FGF7: variants seen among roughly 807,000 people sequenced by gnomAD.
The protein encoded by FGF7 is fibroblast growth factor 7.
In FGF7, 6 loss-of-function variants were observed where a neutral mutation model predicts 20.5. The observed-to-expected ratio is 0.29, with a 90% CI of 0.16 to 0.58. FGF7 has a LOEUF of 0.58. Among genes scored for constraint, FGF7 ranks in the 20% least tolerant of loss-of-function variants. The pLI is 0.90. For missense variants in FGF7, 144 were observed against 228.8 expected (o/e 0.63, Z 2.39); for synonymous variants, 64 against 74.7 (o/e 0.86, Z 0.74).
At chr15:49,427,050 A>G (rs2050192361) in intron 2 of FGF7, among the ~76,000 whole-genome samples, 1 of 152,008 alleles carries the variant, frequency 6.6e-6, no homozygotes, top group Non-Finnish European at 1.5e-5. Context: ...GGGAAATGCT[A>G]CAATGAAGAA....
chr15:49,480,786 C>A (rs2055876835), intron 2 of FGF7, among the ~76,000 whole-genome samples: 1 of 151,958 alleles, frequency 6.6e-6, no homozygotes, highest in African/African-American at 2.4e-5. Context: ...TCCAGCCATC[C>A]CCTTTGTAAA....
chr15:49,452,415 C>G (rs1165601870), intron 2 of FGF7, among the ~76,000 whole-genome samples: 1 of 151,956 alleles, frequency 6.6e-6, no homozygotes. Context: ...TAAAATGAAC[C>G]CTTGTTAACA....
chr15:49,453,415 T>A (rs935912870), intron 2 of FGF7, among the ~76,000 whole-genome samples: 1 of 152,158 alleles, frequency 6.6e-6, no homozygotes, highest in African/African-American at 2.4e-5. Context: ...AGTATAAAAA[T>A]ATTAATGAGA....
chr15:49,464,505 TA>T (rs2054089318), intron 2 of FGF7, among the ~76,000 whole-genome samples: 1 of 152,164 alleles, frequency 6.6e-6, no homozygotes, highest in African/African-American at 2.4e-5. Flanking sequence ...CTAATGATGA[TA>T]AAATGCTGGA....
intron 2 of FGF7, among the ~76,000 whole-genome samples, chr15:49,481,746 T>C (rs1422547677): frequency 6.6e-6 from 1 of 152,228 alleles, no homozygotes; most frequent in Non-Finnish European, 1.5e-5. Context: ...TTAATAAATA[T>C]ATAAAAGATT....
chr15:49,469,648 C>T (rs546573325), intron 2 of FGF7, among the ~76,000 whole-genome samples: 2 of 152,024 alleles, frequency 1.3e-5, no homozygotes, highest in African/African-American at 4.8e-5. Context: ...CTTGATTTTA[C>T]TATAAGGCAG....
chr15:49,444,374 C>T (rs1444423911), intron 2 of FGF7, among the ~76,000 whole-genome samples: 3 of 151,502 alleles, frequency 2.0e-5, no homozygotes, highest in African/African-American at 7.3e-5. Flanking sequence ...TTGGTTTAAA[C>T]AGTAACAGAT....
intron 2 of FGF7, among the ~76,000 whole-genome samples, chr15:49,436,916 A>C (rs2051157093): frequency 6.6e-6 from 1 of 151,608 alleles, no homozygotes; most frequent in Non-Finnish European, 1.5e-5. Flanking sequence ...AATACTTGGC[A>C]TTATCTTCAG....
At chr15:49,425,831 G>C (rs2050079912) in intron 2 of FGF7, among the ~76,000 whole-genome samples, 1 of 151,486 alleles carries the variant, frequency 6.6e-6, no homozygotes, top group South Asian at 2.1e-4. Context: ...TTATTACTGA[G>C]ATTAATAAAG....
chr15:49,472,912 C>A, intron 2 of FGF7, among the ~76,000 whole-genome samples: 1 of 86,358 alleles, frequency 1.2e-5, no homozygotes, highest in South Asian at 3.2e-4. Flanking sequence ...TTTTTGGGTA[C>A]CATACATTTT....
chr15:49,481,972 A>C (rs1304895430), intron 2 of FGF7, among the ~76,000 whole-genome samples: 1 of 152,144 alleles, frequency 6.6e-6, no homozygotes, highest in Non-Finnish European at 1.5e-5. Flanking sequence ...GGTAGCAAAA[A>C]TGAAGTAAAA....
At chr15:49,441,332 G>A (rs563113553) in intron 2 of FGF7, among the ~76,000 whole-genome samples, 11 of 151,812 alleles carry the variant, frequency 7.2e-5, no homozygotes, top group African/African-American at 2.2e-4. Flanking sequence ...GGGATACAAT[G>A]ATTAGAAAGC....
At chr15:49,479,587 G>A (rs1415297889) in intron 2 of FGF7, among the ~76,000 whole-genome samples, 1 of 127,616 alleles carries the variant, frequency 7.8e-6, no homozygotes, top group South Asian at 2.8e-4. Flanking sequence ...GGATTTCATA[G>A]TTAATACCTC....
At chr15:49,428,152 G>A (rs895176899) in intron 2 of FGF7, among the ~76,000 whole-genome samples, 2 of 151,812 alleles carry the variant, frequency 1.3e-5, no homozygotes, top group Non-Finnish European at 2.9e-5. Context: ...GACTCTTGAG[G>A]GGACAGAAGC....
At chr15:49,448,055 T>C (rs2052386522) in intron 2 of FGF7, among the ~76,000 whole-genome samples, 3 of 151,814 alleles carry the variant, frequency 2.0e-5, no homozygotes, top group African/African-American at 7.2e-5. Context: ...TACAGATTTA[T>C]AATCAGTAAA....
At chr15:49,432,658 A>C (rs1378739611) in intron 2 of FGF7, among the ~76,000 whole-genome samples, 2 of 151,648 alleles carry the variant, frequency 1.3e-5, no homozygotes, top group African/African-American at 4.8e-5. Flanking sequence ...AAAACTATAC[A>C]ATTGACCTGA....
rs553090218 is a variant in FGF7 at position 49,459,601 on chromosome 15, T to G, written c.287-23550T>G. Reference sequence around the variant, plus strand: ...TTTTATCTCTTCAATATTTTGCAAATATTGCTTTTATGTAAATTTATAGAG... The same window carrying G: ...TTTTATCTCTTCAATATTTTGCAAAGATTGCTTTTATGTAAATTTATAGAG... On this transcript the variant is annotated intron_variant, in intron 2 of 3. Coordinates refer to ENST00000267843, the MANE Select transcript of FGF7 (RefSeq NM_002009.4). Among the ~76,000 whole-genome samples, 230 of 152,294 alleles carry G rather than the reference T, an allele frequency of 1.5e-3. 2 individuals carry two copies. The highest frequency in any genetic ancestry group is 9.5e-3 in the South Asian group (46 of 4,826).
At chr15:49,448,328 C>T (rs1437324380) in intron 2 of FGF7, among the ~76,000 whole-genome samples, 3 of 150,406 alleles carry the variant, frequency 2.0e-5, no homozygotes, top group South Asian at 2.1e-4. Flanking sequence ...ATTCTTTTTT[C>T]TCTTCCCTTC....
intron 2 of FGF7, among the ~76,000 whole-genome samples, chr15:49,450,892 TG>T (rs2151883587): frequency 6.6e-6 from 1 of 152,194 alleles, no homozygotes; most frequent in Non-Finnish European, 1.5e-5. Flanking sequence ...TGAACCTATT[TG>T]GGAAAAAAAC....
Sources: gnomAD v4.1 joint callset for allele counts (sites outside exome capture counted in the v4.1 genomes callset) on GRCh38, gnomAD v4.1.1 for gene constraint, MANE v1.5 for transcripts, NCBI Gene and HGNC (gene_info 2026-07-23, HGNC 2026-07-21) for gene names.